The following FRMD4B variants were observed in gnomAD, a reference collection of about 807,000 sequenced individuals.
FRMD4B encodes the protein FERM domain-containing protein 4B.
In FRMD4B, 74 loss-of-function variants were observed where a neutral mutation model predicts 141.5. The ratio of observed to expected loss-of-function variants is 0.52; its 90% CI spans 0.43 to 0.63. The LOEUF (loss-of-function observed/expected upper bound fraction) is 0.63. Among genes scored for constraint, FRMD4B ranks in the 30% least tolerant of loss-of-function variants. The pLI is 0.00. For missense variants in FRMD4B, 1,366 were observed against 1,253.4 expected, an observed-to-expected ratio of 1.09 and a Z score of -1.36; for synonymous variants, 506 against 467.9, an observed-to-expected ratio of 1.08 and a Z score of -1.05.
intron 11 of FRMD4B, among the ~76,000 whole-genome samples, chr3:69,204,399 T>A (rs888667588): frequency 1.3e-5 from 2 of 152,144 alleles, no homozygotes; most frequent in Non-Finnish European, 2.9e-5. Context: ...ATAGTACCTA[T>A]AGGTTAATCA....
chr3:69,532,696 A>G (rs1443060659), intron 1 of FRMD4B, among the ~76,000 whole-genome samples: 1 of 152,208 alleles, frequency 6.6e-6, no homozygotes, highest in East Asian at 1.9e-4. Flanking sequence ...AAAGCTGGCC[A>G]TGCAAGCTTT....
intron 1 of FRMD4B, among the ~76,000 whole-genome samples, chr3:69,365,625 T>C (rs113929677): frequency 0.22 from 33,114 of 151,660 alleles, 4,554 homozygotes; most frequent in African/African-American, 0.39. Flanking sequence ...CCTTAGCCTC[T>C]GAATAGCTGG....
At chr3:69,447,046 C>T (rs1705419965) in intron 1 of FRMD4B, among the ~76,000 whole-genome samples, 1 of 151,944 alleles carries the variant, frequency 6.6e-6, no homozygotes, top group South Asian at 2.1e-4. Context: ...TCTAGCCAGG[C>T]ATTCAGTATA....
At chr3:69,308,094 A>G (rs569776835) in intron 3 of FRMD4B, among the ~76,000 whole-genome samples, 12 of 152,278 alleles carry the variant, frequency 7.9e-5, no homozygotes, top group African/African-American at 2.6e-4. Context: ...CGCCTGCTCC[A>G]GTCCTCCTTC....
chr3:69,390,470 G>A (rs1314254938), upstream of FRMD4B, among the ~76,000 whole-genome samples: 2 of 152,154 alleles, frequency 1.3e-5, no homozygotes, highest in South Asian at 2.1e-4. Flanking sequence ...AGATGCTACT[G>A]GCGTCTAGCA....
chr3:69,310,537 C>T, intron 3 of FRMD4B: 1 of 446,078 alleles, frequency 2.2e-6, no homozygotes, highest in Non-Finnish European at 4.4e-6. Context: ...AAAAGACAGA[C>T]AGATACACAC....
In FRMD4B at chr3:69,205,070, A is replaced by AG. The variant is rs550131595; in HGVS notation, c.877-6297_877-6296insC. 1.6e-3 allele frequency among the ~76,000 whole-genome samples: 239 copies of AG among 151,026 alleles called. 4 individuals carry two copies. Among genetic ancestry groups the AG allele is most frequent in the South Asian group, 4.2e-3 (20 of 4,782 alleles). ...TGTTATGTTTTTAACAAAAAAAAAA[A>AG]AAAAGAAAAAGAGAAAAAAAGAGTA... On this transcript the variant is annotated intron_variant, in intron 11 of 22. Coordinates refer to ENST00000398540, the MANE Select transcript of FRMD4B (RefSeq NM_015123.3).
At chr3:69,467,272 A>G (rs769680327) in intron 1 of FRMD4B, among the ~76,000 whole-genome samples, 1 of 152,170 alleles carries the variant, frequency 6.6e-6, no homozygotes, top group Non-Finnish European at 1.5e-5. Context: ...GCTAGGAAAT[A>G]CTTCACCAAG....
intron 5 of FRMD4B, among the ~76,000 whole-genome samples, chr3:69,282,523 T>C (rs973398229): frequency 3.3e-5 from 5 of 152,238 alleles, no homozygotes; most frequent in African/African-American, 1.2e-4. Context: ...TGATATTCCT[T>C]ATGTGGAATG....
In FRMD4B at chr3:69,287,828, A is replaced by G. The variant is rs1700741437; in HGVS notation, c.425T>C (p.Ile142Thr). ...TILHFAVRFY[I>T]ESISFLKDKT... ...ATCCTTTAAAAACGATATGCTCTCA[A>G]TGTAAAACCTGAAAAACAGCAGAGG... The change falls in exon 5 of 23, where the codon ATT becomes ACT. Residue 142 changes from isoleucine to threonine, a missense_variant. Coordinates refer to ENST00000398540, the MANE Select transcript of FRMD4B (RefSeq NM_015123.3). 3.9e-6 allele frequency: 6 copies of G among 1,550,206 alleles called. No homozygotes were observed. Among genetic ancestry groups the G allele is most frequent in the South Asian group, 2.3e-5 (2 of 86,440 alleles).
At chr3:69,536,146 C>G (rs1258552466) in intron 1 of FRMD4B, 1 of 511,242 alleles carries the variant, frequency 2.0e-6, no homozygotes. Flanking sequence ...TGGGAGGAGC[C>G]TTCTGCACCT....
intron 5 of FRMD4B, among the ~76,000 whole-genome samples, chr3:69,265,621 G>A (rs1232240083): frequency 6.6e-6 from 1 of 151,230 alleles, no homozygotes; most frequent in Non-Finnish European, 1.5e-5. Context: ...CTAATTTTTT[G>A]TATTTTTAGT....
chr3:69,540,660 TACACACACACACACAC>T (rs1161119924), intron 1 of FRMD4B, among the ~76,000 whole-genome samples: 2 of 56,874 alleles, frequency 3.5e-5, no homozygotes, highest in African/African-American at 2.1e-4. Flanking sequence ...TATATATATA[TACACACACACACACAC>T]ACACACACAC....
intron 2 of FRMD4B, among the ~76,000 whole-genome samples, chr3:69,426,713 C>A (rs575011612): frequency 1.4e-3 from 214 of 152,254 alleles, no homozygotes; most frequent in African/African-American, 4.8e-3. Flanking sequence ...ACACTGCAGA[C>A]CCAGGATATT....
chr3:69,256,546 C>CG (rs1167564469), intron 5 of FRMD4B, among the ~76,000 whole-genome samples: 5 of 152,164 alleles, frequency 3.3e-5, no homozygotes, highest in Admixed American at 2.0e-4. Context: ...TCTCGAACTC[C>CG]TGACTTCAAG....
chr3:69,181,787 T>C, intron 20 of FRMD4B, 77 bp from the exon 21 acceptor site: 1 of 792,036 alleles, frequency 1.3e-6, no homozygotes, highest in Non-Finnish European at 2.0e-6. Flanking sequence ...AATAGCATGC[T>C]GAATGACTGA....
chr3:69,408,884 G>T (rs1704704837), intron 2 of FRMD4B, among the ~76,000 whole-genome samples: 1 of 152,184 alleles, frequency 6.6e-6, no homozygotes, highest in South Asian at 2.1e-4. Flanking sequence ...AGAGAGGCCA[G>T]TGAGAAACTC....
At chr3:69,435,441 C>T (rs1432302921) in intron 1 of FRMD4B, among the ~76,000 whole-genome samples, 2 of 151,872 alleles carry the variant, frequency 1.3e-5, no homozygotes, top group Non-Finnish European at 2.9e-5. Flanking sequence ...ACTATGCTTG[C>T]CAGTTAAATA....
intron 1 of FRMD4B, among the ~76,000 whole-genome samples, chr3:69,475,050 C>T (rs190375591): frequency 6.6e-6 from 1 of 152,228 alleles, no homozygotes; most frequent in East Asian, 1.9e-4. Context: ...AACGTGACCT[C>T]GGGTGTGTGC....
Sources: allele counts gnomAD v4.1 joint callset (sites outside exome capture counted in the v4.1 genomes callset), GRCh38; gene constraint gnomAD v4.1.1; transcripts MANE v1.5; gene names NCBI Gene and HGNC (gene_info 2026-07-23, HGNC 2026-07-21).